Variants in PIGK observed in about 807,000 individuals in gnomAD.
PIGK encodes the protein phosphatidylinositol glycan anchor biosynthesis class K, also known as GPI-anchor transamidase.
In PIGK, 42 loss-of-function variants were observed where a neutral mutation model predicts 50.6. The observed-to-expected ratio is 0.83, with a 90% CI of 0.65 to 1.07. PIGK has a LOEUF of 1.07. Among genes scored for constraint, PIGK ranks in the 50% least tolerant of loss-of-function variants. The probability of loss-of-function intolerance (pLI) is 0.00; values close to 1 mark genes in which losing one functional copy is unlikely to be tolerated. For missense variants in PIGK, 448 were observed against 488.7 expected, an observed-to-expected ratio of 0.92 and a Z score of 0.78; for synonymous variants, 151 against 156.0, an observed-to-expected ratio of 0.97 and a Z score of 0.24.
intron 10 of PIGK, among the ~76,000 whole-genome samples, chr1:77,098,714 A>G (rs1426609165): frequency 6.6e-6 from 1 of 152,172 alleles, no homozygotes; most frequent in African/African-American, 2.4e-5. Context: ...AAAGGCACAT[A>G]AATGGAATTT....
At chr1:77,094,696 G>GA (rs1451035249) in intron 10 of PIGK, among the ~76,000 whole-genome samples, 1 of 152,152 alleles carries the variant, frequency 6.6e-6, no homozygotes, top group Non-Finnish European at 1.5e-5. Context: ...GACAACTATG[G>GA]AAAAAATAGC....
At chr1:77,134,120 G>T (rs1305161295) in intron 9 of PIGK, among the ~76,000 whole-genome samples, 1 of 151,930 alleles carries the variant, frequency 6.6e-6, no homozygotes, top group Non-Finnish European at 1.5e-5. Context: ...TAAAAAATAG[G>T]CAACAAGAAG....
At chr1:77,100,733 G>A (rs1345270960) in intron 10 of PIGK, among the ~76,000 whole-genome samples, 1 of 152,152 alleles carries the variant, frequency 6.6e-6, no homozygotes, top group Non-Finnish European at 1.5e-5. Flanking sequence ...GATTGAAGTT[G>A]GAAAGATAGA....
At chr1:77,171,263 T>C (rs1244610670) in intron 3 of PIGK, among the ~76,000 whole-genome samples, 2 of 151,226 alleles carry the variant, frequency 1.3e-5, no homozygotes, top group East Asian at 2.0e-4. Flanking sequence ...AGTGAAACCC[T>C]GTCTCTACTA....
intron 3 of PIGK, among the ~76,000 whole-genome samples, chr1:77,201,175 T>G (rs59045124): frequency 1.7e-4 from 26 of 152,256 alleles, no homozygotes; most frequent in African/African-American, 6.0e-4. Context: ...ATAACAAAAA[T>G]TAGTGACTTT....
chr1:77,122,247 T>C, intron 10 of PIGK, 28 bp downstream of exon 10: 1 of 1,411,424 alleles, frequency 7.1e-7, no homozygotes, highest in East Asian at 2.3e-5. Flanking sequence ...ATCTTGTTTC[T>C]TTCAAAAGAA....
intron 2 of PIGK, among the ~76,000 whole-genome samples, chr1:77,209,636 T>G (rs1433643270): frequency 1.3e-5 from 2 of 152,112 alleles, no homozygotes; most frequent in Non-Finnish European, 2.9e-5. Flanking sequence ...TGTATAAGAA[T>G]GTTCAACACA....
intron 3 of PIGK, among the ~76,000 whole-genome samples, chr1:77,187,524 T>C (rs1054964893): frequency 4.6e-5 from 7 of 152,198 alleles, no homozygotes; most frequent in Admixed American, 3.3e-4. Flanking sequence ...GGGCTCCTCC[T>C]ACCTTTAAGT....
chr1:77,203,113 T>C (rs932562482), intron 3 of PIGK, among the ~76,000 whole-genome samples: 3 of 152,166 alleles, frequency 2.0e-5, no homozygotes, highest in Non-Finnish European at 4.4e-5. Context: ...AAGAAAATAG[T>C]AATAGCACTG....
intron 9 of PIGK, among the ~76,000 whole-genome samples, chr1:77,125,450 T>C (rs1039213952): frequency 1.3e-5 from 2 of 152,180 alleles, no homozygotes; most frequent in African/African-American, 4.8e-5. Context: ...ATTTTACTTA[T>C]CCAGTGTTTC....
At chr1:77,193,979 A>T (rs1655972078) in intron 3 of PIGK, among the ~76,000 whole-genome samples, 1 of 152,130 alleles carries the variant, frequency 6.6e-6, no homozygotes, top group Admixed American at 6.5e-5. Context: ...GGAGCTTAAA[A>T]AAATTAATGA....
intron 2 of PIGK, among the ~76,000 whole-genome samples, chr1:77,210,022 A>G (rs998904110): frequency 2.0e-5 from 3 of 152,042 alleles, no homozygotes; most frequent in African/African-American, 7.2e-5. Context: ...TATAACTTGA[A>G]CTTCTACAGT....
At chr1:77,174,129 TTGATA>T (rs1655427985) in intron 3 of PIGK, among the ~76,000 whole-genome samples, 1 of 152,236 alleles carries the variant, frequency 6.6e-6, no homozygotes, top group South Asian at 2.1e-4. Context: ...CCTTTCTGGT[TTGATA>T]TCTGTATGAA....
At chr1:77,167,223 C>T (rs1570237079) in intron 4 of PIGK, among the ~76,000 whole-genome samples, 1 of 152,070 alleles carries the variant, frequency 6.6e-6, no homozygotes, top group Non-Finnish European at 1.5e-5. Context: ...TGGTAACATG[C>T]TCCTGTAGTT....
At chr1:77,129,964 T>C (rs1654330767) in intron 9 of PIGK, among the ~76,000 whole-genome samples, 1 of 151,818 alleles carries the variant, frequency 6.6e-6, no homozygotes. Flanking sequence ...AAATAGTATC[T>C]CATTGTTTTA....
At chr1:77,204,625 TC>T (rs1189918985) in intron 3 of PIGK, among the ~76,000 whole-genome samples, 1 of 152,058 alleles carries the variant, frequency 6.6e-6, no homozygotes, top group Non-Finnish European at 1.5e-5. Context: ...CCCCTGGACA[TC>T]CAGCTTTAAA....
intron 10 of PIGK, among the ~76,000 whole-genome samples, chr1:77,109,857 A>G (rs1419151704): frequency 6.6e-6 from 1 of 152,196 alleles, no homozygotes; most frequent in Non-Finnish European, 1.5e-5. Flanking sequence ...TATATCTAGA[A>G]AACCCCATTG....
intron 4 of PIGK, 133 bp from the exon 5 acceptor site, chr1:77,166,963 C>A (rs1655249590): frequency 3.4e-6 from 2 of 581,288 alleles, no homozygotes; most frequent in Non-Finnish European, 6.1e-6. Context: ...ATAAAACACC[C>A]AAAAATTATA....
rs143082492 is a variant in PIGK, at chr1:77,173,683, T to C, written c.240-4288A>G. Among the ~76,000 whole-genome samples, 6 of 152,372 alleles carry C rather than the reference T, an allele frequency of 3.9e-5. No homozygotes were observed. The East Asian group carries it at 5.8e-4, about 15-fold the overall frequency. On this transcript the variant is annotated intron_variant, in intron 3 of 10. Transcript: ENST00000370812. ...AGGCTATTCTTAAGCTGTAGCAAAT[T>C]TGGTGTCCTTGTCTTTCTGTATGGT...
Sources: gnomAD v4.1 joint callset for allele counts (sites outside exome capture counted in the v4.1 genomes callset) on GRCh38, gnomAD v4.1.1 for gene constraint, MANE v1.5 for transcripts, NCBI Gene and HGNC (gene_info 2026-07-23, HGNC 2026-07-21) for gene names.